Variants in ATRNL1 observed in about 807,000 individuals in gnomAD.
ATRNL1 encodes the protein attractin like 1, also known as attractin-like protein 1.
In ATRNL1, 95 loss-of-function variants were observed where a neutral mutation model predicts 182.7. That is an observed-to-expected ratio of 0.52 (90% CI 0.44 to 0.62). The LOEUF is 0.62. Ranked by LOEUF, ATRNL1 falls within the 20% of genes least tolerant of loss-of-function variation. The pLI, the probability that ATRNL1 is intolerant of heterozygous loss-of-function variation, is 0.00. For missense variants in ATRNL1, 1,471 were observed against 1,679.5 expected (o/e 0.88, Z 2.17); for synonymous variants, 576 against 568.3 (o/e 1.01, Z -0.19).
At chr10:115,731,542 G>T (rs1264063043) in intron 27 of ATRNL1, among the ~76,000 whole-genome samples, 2 of 151,462 alleles carry the variant, frequency 1.3e-5, no homozygotes, top group Non-Finnish European at 2.9e-5. Flanking sequence ...TTTAGGAAAG[G>T]CCTTTATATT....
At chr10:115,889,780 C>T (rs1242354381) in intron 28 of ATRNL1, among the ~76,000 whole-genome samples, 1 of 152,088 alleles carries the variant, frequency 6.6e-6, no homozygotes, top group Non-Finnish European at 1.5e-5. Context: ...TGAGAATGAG[C>T]GCATATAAGT....
intron 26 of ATRNL1, among the ~76,000 whole-genome samples, chr10:115,633,280 G>A (rs923053549): frequency 4.6e-5 from 7 of 152,062 alleles, no homozygotes; most frequent in African/African-American, 1.2e-4. Context: ...ATCTCTAATG[G>A]GATAACCACT....
intron 19 of ATRNL1, among the ~76,000 whole-genome samples, chr10:115,372,155 T>G (rs548254917): frequency 6.6e-6 from 1 of 152,364 alleles, no homozygotes; most frequent in East Asian, 1.9e-4. Context: ...TATGTCTTTA[T>G]CAGTAGCGTG....
At chr10:115,412,368 A>G (rs995505667) in intron 20 of ATRNL1, among the ~76,000 whole-genome samples, 4 of 152,168 alleles carry the variant, frequency 2.6e-5, no homozygotes, top group African/African-American at 7.2e-5. Context: ...TGATTGCAGG[A>G]TTACAGTGGA....
chr10:115,351,071 GC>G (rs1554941170), intron 19 of ATRNL1, among the ~76,000 whole-genome samples: 2 of 152,066 alleles, frequency 1.3e-5, no homozygotes, highest in African/African-American at 2.4e-5. Context: ...ATACAGAAAT[GC>G]TACTGAATTT....
intron 26 of ATRNL1, among the ~76,000 whole-genome samples, chr10:115,560,501 T>C (rs1853636802): frequency 6.6e-6 from 1 of 152,070 alleles, no homozygotes; most frequent in Non-Finnish European, 1.5e-5. Context: ...TAAAACATTG[T>C]TGAAAGAAAT....
chr10:115,537,411 G>T (rs1265408285), intron 25 of ATRNL1, among the ~76,000 whole-genome samples: 3 of 152,026 alleles, frequency 2.0e-5, no homozygotes, highest in Admixed American at 6.5e-5. Flanking sequence ...TCAGTTATAG[G>T]TATCACTATT....
At chr10:115,194,734 T>C (rs1290208465) in intron 8 of ATRNL1, among the ~76,000 whole-genome samples, 1 of 151,978 alleles carries the variant, frequency 6.6e-6, no homozygotes, top group Non-Finnish European at 1.5e-5. Flanking sequence ...CATTTTGTTG[T>C]TTGTTTTCTG....
chr10:115,455,579 C>T (rs139285546), intron 21 of ATRNL1, among the ~76,000 whole-genome samples: 1,778 of 151,998 alleles, frequency 0.012, 30 homozygotes, highest in African/African-American at 0.038. Flanking sequence ...GCATGGGCAA[C>T]GAGTTCATGA....
At chr10:115,290,610 C>G (rs1021975202) in intron 15 of ATRNL1, among the ~76,000 whole-genome samples, 1 of 152,080 alleles carries the variant, frequency 6.6e-6, no homozygotes, top group Non-Finnish European at 1.5e-5. Flanking sequence ...GAGCTGAGGT[C>G]GTGCCATTGC....
intron 27 of ATRNL1, among the ~76,000 whole-genome samples, chr10:115,807,682 A>G (rs1173880487): frequency 1.3e-5 from 2 of 152,158 alleles, no homozygotes; most frequent in Admixed American, 6.5e-5. Flanking sequence ...TCTACAATCA[A>G]TATGTATTGC....
In ATRNL1 at chr10:115,215,800, T is replaced by A; in HGVS notation, c.1452T>A (p.His484Gln). 1.9e-6 allele frequency: 3 copies of A among 1,609,316 alleles called. No homozygotes were observed. The highest frequency in any genetic ancestry group is 2.5e-6 in the Non-Finnish European group (3 of 1,178,188). ...YDEITKSIYV[H>Q]GGYKALPGNK... is the part of the protein sequence containing the mutation. ...AAATAACAAAGTCCATTTATGTTCA[T>A]GGAGGGTATAAAGCATTGCCAGGGA... Residue 484 changes from histidine to glutamine, a missense_variant, in exon 9 of 29, where the codon CAT becomes CAA. By Grantham distance (24) the His-to-Gln change is conservative (BLOSUM62 0). Transcript: ENST00000355044.
intron 27 of ATRNL1, among the ~76,000 whole-genome samples, chr10:115,774,387 T>G (rs1949067872): frequency 8.1e-6 from 1 of 123,706 alleles, no homozygotes; most frequent in Non-Finnish European, 1.6e-5. Flanking sequence ...ATCACACCAC[T>G]GCACTCCAGC....
intron 9 of ATRNL1, among the ~76,000 whole-genome samples, chr10:115,223,898 T>C: frequency 1.4e-5 from 1 of 69,162 alleles, no homozygotes; most frequent in East Asian, 2.6e-4. Flanking sequence ...TGTGTGTGTG[T>C]GTGTGTGTGT....
chr10:115,601,853 A>C lies in ATRNL1; in HGVS notation c.3795+52317A>C, dbSNP rs531301392. On this transcript the variant is annotated intron_variant, in intron 26 of 28. Transcript: ENST00000355044. ...TTTCTAATTGCAGTGTTTAGACTAC[A>C]TATTTTTAATGTAATTATCTATACT... Among the ~76,000 whole-genome samples the C allele has an allele frequency of 5.9e-5, 9 of 152,224 alleles. No homozygotes were observed. In the East Asian group the frequency reaches 1.7e-3, roughly 29 times the overall value.
intron 24 of ATRNL1, among the ~76,000 whole-genome samples, chr10:115,511,094 C>G (rs979696621): frequency 2.6e-5 from 4 of 151,848 alleles, no homozygotes; most frequent in African/African-American, 9.7e-5. Context: ...TATATTTATT[C>G]CTCATGTTTT....
At position 115,818,954 on chromosome 10, in the gene ATRNL1, A is replaced by G. The variant is rs1216750014; in HGVS notation, c.3904-28923A>G. On this transcript the variant is annotated intron_variant, in intron 27 of 28. Coordinates refer to ENST00000355044, the MANE Select transcript of ATRNL1 (RefSeq NM_207303.4). ...AAGAAAACCTGCAATTACAGCCCACAAAACTCTCTTCCCTTTCATGTCACA... is the reference window on the plus strand; with the variant it reads ...AAGAAAACCTGCAATTACAGCCCACGAAACTCTCTTCCCTTTCATGTCACA... Among the ~76,000 whole-genome samples, 8 of 152,242 alleles carry G rather than the reference A, an allele frequency of 5.3e-5. No homozygotes were observed. In the East Asian group the frequency reaches 1.5e-3, roughly 29 times the overall value.
intron 9 of ATRNL1, among the ~76,000 whole-genome samples, chr10:115,234,484 A>C (rs1447764504): frequency 6.6e-6 from 1 of 152,080 alleles, no homozygotes; most frequent in Non-Finnish European, 1.5e-5. Context: ...AATTTAGAAA[A>C]TAACATGGAT....
In ATRNL1 at chr10:115,589,054, A is replaced by C. The variant is rs188611760; in HGVS notation, c.3795+39518A>C. ...ATCAGTAGTGGTTGTGAGAATGGCA[A>C]ATAGATAAGACATAGAGATATGATA... On this transcript the variant is annotated intron_variant, in intron 26 of 28. Coordinates refer to ENST00000355044, the MANE Select transcript of ATRNL1 (RefSeq NM_207303.4). Among the ~76,000 whole-genome samples, 39 of 152,340 alleles carry C rather than the reference A, an allele frequency of 2.6e-4. No homozygotes were observed. In the East Asian group the frequency reaches 5.6e-3, roughly 22 times the overall value.
Sources: allele counts gnomAD v4.1 joint callset (sites outside exome capture counted in the v4.1 genomes callset), GRCh38; gene constraint gnomAD v4.1.1; transcripts MANE v1.5; gene names NCBI Gene and HGNC (gene_info 2026-07-23, HGNC 2026-07-21).